Variants in TAOK3 observed in about 807,000 individuals in gnomAD.
TAOK3 encodes the protein serine/threonine-protein kinase TAO3.
In TAOK3, 40 loss-of-function variants were observed where a neutral mutation model predicts 120.4. The ratio of observed to expected loss-of-function variants is 0.33; its 90% CI spans 0.26 to 0.43. TAOK3 has a LOEUF of 0.43. TAOK3 is among the 20% of genes least tolerant of loss of function. The probability of loss-of-function intolerance (pLI) is 1.00; values close to 1 mark genes in which losing one functional copy is unlikely to be tolerated. For synonymous variants in TAOK3, 355 were observed against 387.5 expected (o/e 0.92, Z 0.99); for missense variants, 821 against 1,112.1 (o/e 0.74, Z 3.72).
intron 14 of TAOK3, among the ~76,000 whole-genome samples, chr12:118,186,016 T>G (rs555988102): frequency 3.3e-5 from 5 of 152,318 alleles, no homozygotes; most frequent in African/African-American, 9.6e-5. Flanking sequence ...CTGCTGAGGC[T>G]CTCATATTTT....
At chr12:118,307,906 A>G (rs1796773032) in intron 1 of TAOK3, among the ~76,000 whole-genome samples, 3 of 152,156 alleles carry the variant, frequency 2.0e-5, no homozygotes, top group East Asian at 3.9e-4. Context: ...ACTACATGAT[A>G]GTTACTGGTA....
intron 1 of TAOK3, among the ~76,000 whole-genome samples, chr12:118,343,227 A>G (rs2044701922): frequency 1.3e-5 from 2 of 152,028 alleles, no homozygotes; most frequent in African/African-American, 4.8e-5. Flanking sequence ...CAGGAGTTCA[A>G]GACCAGCCTG....
chr12:118,307,963 A>C (rs185016293), intron 1 of TAOK3, among the ~76,000 whole-genome samples: 34 of 147,632 alleles, frequency 2.3e-4, no homozygotes, highest in South Asian at 6.7e-4. Context: ...AAGTTTGACT[A>C]CTTTTTTTTT....
In TAOK3 at chr12:118,185,676, G is replaced by A. The variant is rs990418842; in HGVS notation, c.1330-4069C>T. 1.8e-4 allele frequency among the ~76,000 whole-genome samples: 27 copies of A among 152,276 alleles called. No individual in the cohort carries two copies. The East Asian group carries it at 5.0e-3, about 28-fold the overall frequency. ...GTAATGACTGATAACAGGCAATTCT[G>A]CATTTATAAAAGAATATGTTACATG... On this transcript the variant is annotated intron_variant, in intron 14 of 20. Coordinates refer to ENST00000392533, the MANE Select transcript of TAOK3 (RefSeq NM_016281.4).
At chr12:118,336,873 A>G (rs372403952) in intron 1 of TAOK3, among the ~76,000 whole-genome samples, 9 of 152,308 alleles carry the variant, frequency 5.9e-5, no homozygotes, top group Admixed American at 4.6e-4. Flanking sequence ...GGAGTTCATG[A>G]CCAGCCTGGC....
At chr12:118,288,104 C>G (rs1009414004) in intron 1 of TAOK3, among the ~76,000 whole-genome samples, 1 of 151,854 alleles carries the variant, frequency 6.6e-6, no homozygotes, top group African/African-American at 2.4e-5. Context: ...AACAAAATTT[C>G]TCCTGTTTCT....
At chr12:118,339,483 G>C (rs2044519214) in intron 1 of TAOK3, among the ~76,000 whole-genome samples, 1 of 151,736 alleles carries the variant, frequency 6.6e-6, no homozygotes, top group South Asian at 2.1e-4. Context: ...CTCCTGAACG[G>C]TTTATAACAT....
At chr12:118,289,292 G>C (rs1593425052) in intron 1 of TAOK3, among the ~76,000 whole-genome samples, 1 of 89,428 alleles carries the variant, frequency 1.1e-5, no homozygotes, top group African/African-American at 5.2e-5. Flanking sequence ...CACCAAGACT[G>C]TCTCAAAAAA....
chr12:118,318,316 C>G (rs1162808887), intron 1 of TAOK3, among the ~76,000 whole-genome samples: 1 of 151,992 alleles, frequency 6.6e-6, no homozygotes, highest in Non-Finnish European at 1.5e-5. Flanking sequence ...CACCACCACG[C>G]CCAGCTAATT....
At chr12:118,267,649 G>A (rs895562008) in intron 1 of TAOK3, among the ~76,000 whole-genome samples, 2 of 151,126 alleles carry the variant, frequency 1.3e-5, no homozygotes, top group African/African-American at 4.8e-5. Context: ...CACTTTGGGA[G>A]GCCAAGGCAG....
chr12:118,322,574 C>T (rs2043757790), intron 1 of TAOK3, among the ~76,000 whole-genome samples: 2 of 151,784 alleles, frequency 1.3e-5, no homozygotes, highest in South Asian at 2.1e-4. Context: ...GTGAGAGCAG[C>T]CATAGGTAAT....
At chr12:118,276,280 G>C (rs1566050988) in intron 1 of TAOK3, among the ~76,000 whole-genome samples, 1 of 152,168 alleles carries the variant, frequency 6.6e-6, no homozygotes, top group Non-Finnish European at 1.5e-5. Context: ...TTGAATTCCA[G>C]AATAATTGAG....
intron 1 of TAOK3, among the ~76,000 whole-genome samples, chr12:118,281,464 T>C (rs1382346045): frequency 1.3e-5 from 2 of 152,198 alleles, no homozygotes; most frequent in Non-Finnish European, 2.9e-5. Flanking sequence ...TGAAGGAAAC[T>C]AGTTATACTG....
chr12:118,231,157 T>C (rs538636912), intron 9 of TAOK3, among the ~76,000 whole-genome samples: 44 of 152,320 alleles, frequency 2.9e-4, no homozygotes, highest in African/African-American at 1.0e-3. Flanking sequence ...TTCATGTTTG[T>C]TTGTATATTT....
At chr12:118,183,641 A>G (rs1345987455) in intron 14 of TAOK3, among the ~76,000 whole-genome samples, 4 of 152,214 alleles carry the variant, frequency 2.6e-5, no homozygotes, top group Non-Finnish European at 5.9e-5. Context: ...ATGTTTCTGA[A>G]GTACAACTTT....
At chr12:118,217,605 AC>A (rs2038971219) in intron 9 of TAOK3, among the ~76,000 whole-genome samples, 2 of 150,878 alleles carry the variant, frequency 1.3e-5, no homozygotes, top group African/African-American at 4.9e-5. Flanking sequence ...AATCACTTGA[AC>A]CCGGGAGGCG....
At chr12:118,368,930 G>A (rs993564168) in intron 1 of TAOK3, among the ~76,000 whole-genome samples, 4 of 150,886 alleles carry the variant, frequency 2.7e-5, no homozygotes, top group Non-Finnish European at 5.9e-5. Context: ...AGGTGGAGGC[G>A]GATGGATCAC....
chr12:118,172,762 T>G, intron 16 of TAOK3, 102 bp from the exon 17 acceptor site: 5 of 1,080,724 alleles, frequency 4.6e-6, no homozygotes, highest in Non-Finnish European at 7.0e-6. Context: ...CCAATGCAGA[T>G]GTAAGCACAG....
intron 1 of TAOK3, among the ~76,000 whole-genome samples, chr12:118,321,954 G>A (rs934795952): frequency 1.3e-5 from 2 of 152,062 alleles, no homozygotes; most frequent in East Asian, 1.9e-4. Context: ...AAAAATCCAG[G>A]AGTAAATTTA....
Sources: gnomAD v4.1 joint callset for allele counts (sites outside exome capture counted in the v4.1 genomes callset) on GRCh38, gnomAD v4.1.1 for gene constraint, MANE v1.5 for transcripts, NCBI Gene and HGNC (gene_info 2026-07-23, HGNC 2026-07-21) for gene names.